NRG1: variants seen among roughly 807,000 people sequenced by gnomAD.
NRG1 encodes pro-neuregulin-1, membrane-bound isoform.
Under a neutral mutation model 63.8 loss-of-function variants are expected in NRG1, and 18 were observed. The observed-to-expected ratio is 0.28, with a 90% CI of 0.19 to 0.42. The LOEUF is 0.42. Among genes scored for constraint, NRG1 ranks in the 10% least tolerant of loss-of-function variants. NRG1 has a pLI of 1.00. For missense variants in NRG1, 762 were observed against 814.7 expected (o/e 0.94, Z 0.79); for synonymous variants, 302 against 301.3 (o/e 1.00, Z -0.02).
chr8:31,820,476 C>T (rs1292735175), intron 1 of NRG1, among the ~76,000 whole-genome samples: 4 of 152,206 alleles, frequency 2.6e-5, no homozygotes, highest in Admixed American at 2.0e-4. Context: ...TCTTTTACTT[C>T]TGAGACATAC....
In NRG1 at chr8:32,048,465, A is replaced by G. The variant is rs1225636556; in HGVS notation, c.37+409034A>G. Among the ~76,000 whole-genome samples the G allele has an allele frequency of 2.2e-5, 3 of 134,962 alleles. No individual in the cohort carries two copies. The East Asian group carries it at 6.1e-4, about 28-fold the overall frequency. The allele number at this position is 134,962 out of a possible 152,430, so 88.5% of individuals were successfully genotyped here. On this transcript the variant is annotated intron_variant, in intron 1 of 10. Coordinates refer to the NRG1 transcript ENST00000519301. ...TACATACATATATATATATATATATATATATATATATATATATATAGTGGT... is the reference window on the plus strand; with the variant it reads ...TACATACATATATATATATATATATGTATATATATATATATATATAGTGGT...
In NRG1 at chr8:32,331,605, A is replaced by G. The variant is rs75361535; in HGVS notation, c.38-264223A>G. On this transcript the variant is annotated intron_variant, in intron 1 of 10. Coordinates refer to the NRG1 transcript ENST00000519301. ...ATGAACACATTTCTTTACAAAGAGA[A>G]GGTTATCTTTTATCTATATTCAAAA... Among the ~76,000 whole-genome samples, 325 of 152,262 alleles carry G rather than the reference A, an allele frequency of 2.1e-3. 7 individuals are homozygous for G. The East Asian group carries it at 0.044, about 21-fold the overall frequency.
chr8:32,675,894 G>A (rs934610374), intron 5 of NRG1, among the ~76,000 whole-genome samples: 2 of 151,720 alleles, frequency 1.3e-5, no homozygotes, highest in African/African-American at 4.8e-5. Flanking sequence ...TGTTTATTTG[G>A]CCTTGCTTGA....
intron 1 of NRG1, among the ~76,000 whole-genome samples, chr8:31,851,863 G>GT (rs1827264246): frequency 1.3e-5 from 2 of 150,474 alleles, no homozygotes; most frequent in Non-Finnish European, 3.0e-5. Context: ...GCAGTGTCTG[G>GT]TTTTTTGTTC....
At chr8:32,042,615 A>G (rs1333410464) in intron 1 of NRG1, among the ~76,000 whole-genome samples, 1 of 152,198 alleles carries the variant, frequency 6.6e-6, no homozygotes, top group African/African-American at 2.4e-5. Flanking sequence ...CTGACTCTAA[A>G]GCAGCTGTTA....
rs547563129 is a variant in NRG1 at position 32,292,834 on chromosome 8, G to A, written c.38-302994G>A. Among the ~76,000 whole-genome samples, 14 of 152,068 alleles carry A rather than the reference G, an allele frequency of 9.2e-5. No homozygotes were observed. The South Asian group carries it at 1.5e-3, about 16-fold the overall frequency. The stretch of plus-strand genomic sequence containing the variant: ...AAAAGGCTAAAAATGGGCTGGGCTC[G>A]GTGGCTCACGCCTGTAATCCCAGCA... On this transcript the variant is annotated intron_variant, in intron 1 of 10. Transcript: ENST00000519301.
At chr8:32,109,671 C>G (rs1020969164) in intron 1 of NRG1, among the ~76,000 whole-genome samples, 2 of 152,024 alleles carry the variant, frequency 1.3e-5, no homozygotes, top group Non-Finnish European at 2.9e-5. Flanking sequence ...TAGATAGATT[C>G]CCTGAAGCTT....
intron 1 of NRG1, among the ~76,000 whole-genome samples, chr8:32,505,868 A>G (rs1227581128): frequency 6.6e-6 from 1 of 152,124 alleles, no homozygotes. Flanking sequence ...GCCAGGTGGG[A>G]AATTTTGCTA....
chr8:32,159,579 G>C (rs1000676258), intron 1 of NRG1, among the ~76,000 whole-genome samples: 1 of 151,084 alleles, frequency 6.6e-6, no homozygotes, highest in African/African-American at 2.4e-5. Flanking sequence ...TTATGTGGCT[G>C]TTGGGAATAG....
At chr8:32,646,974 C>T (rs1481920558) in intron 5 of NRG1, 3 of 983,508 alleles carry the variant, frequency 3.1e-6, no homozygotes, top group Non-Finnish European at 3.6e-6. Flanking sequence ...GAGACTGAAG[C>T]AGAGAAGAGC....
chr8:32,429,716 G>C (rs7001942), intron 1 of NRG1, among the ~76,000 whole-genome samples: 3 of 151,968 alleles, frequency 2.0e-5, no homozygotes, highest in Non-Finnish European at 4.4e-5. Flanking sequence ...ATCGCAAACA[G>C]TGTGGCCATT....
intron 1 of NRG1, among the ~76,000 whole-genome samples, chr8:32,421,059 T>A (rs1432507703): frequency 1.3e-5 from 2 of 152,228 alleles, no homozygotes; most frequent in Non-Finnish European, 2.9e-5. Flanking sequence ...TGTGAAACTG[T>A]GAGTCAATTA....
intron 1 of NRG1, among the ~76,000 whole-genome samples, chr8:32,105,582 G>C (rs1162963488): frequency 2.0e-5 from 3 of 152,076 alleles, no homozygotes; most frequent in African/African-American, 7.2e-5. Context: ...ATTTGGGTGG[G>C]GACACAGCTA....
At chr8:32,386,209 C>CT (rs1321283693) in intron 1 of NRG1, among the ~76,000 whole-genome samples, 1 of 152,188 alleles carries the variant, frequency 6.6e-6, no homozygotes, top group Non-Finnish European at 1.5e-5. Flanking sequence ...TCAAGCAATC[C>CT]TCCTGCCTCA....
chr8:31,938,860 CAAAGAG>C (rs994534091), intron 1 of NRG1, among the ~76,000 whole-genome samples: 1 of 151,934 alleles, frequency 6.6e-6, no homozygotes, highest in Non-Finnish European at 1.5e-5. Flanking sequence ...CCATCAAAGA[CAAAGAG>C]AAAAGAATTT....
intron 1 of NRG1, among the ~76,000 whole-genome samples, chr8:31,930,805 A>G (rs1372156075): frequency 6.6e-6 from 1 of 152,158 alleles, no homozygotes; most frequent in East Asian, 1.9e-4. Context: ...GGCTAATTTT[A>G]TAAAATTTGA....
intron 1 of NRG1, among the ~76,000 whole-genome samples, chr8:32,388,747 C>G (rs1299519888): frequency 2.0e-5 from 3 of 151,874 alleles, no homozygotes; most frequent in Non-Finnish European, 4.4e-5. Context: ...TTTCAGCTTT[C>G]TGCCTTTTCT....
chr8:31,761,223 G>A (rs1309603950), intron 1 of NRG1, among the ~76,000 whole-genome samples: 2 of 152,000 alleles, frequency 1.3e-5, no homozygotes, highest in Non-Finnish European at 2.9e-5. Context: ...AACACCTCTT[G>A]TTCTCACTCA....
intron 1 of NRG1, among the ~76,000 whole-genome samples, chr8:32,200,477 C>T (rs1426782473): frequency 6.6e-6 from 1 of 152,100 alleles, no homozygotes; most frequent in African/African-American, 2.4e-5. Context: ...TGCTCCACTT[C>T]CTCCCCACCC....
Sources: allele counts gnomAD v4.1 joint callset (sites outside exome capture counted in the v4.1 genomes callset), GRCh38; gene constraint gnomAD v4.1.1; transcripts MANE v1.5; gene names NCBI Gene and HGNC (gene_info 2026-07-23, HGNC 2026-07-21).